Variants in RBFOX1 observed in about 807,000 individuals in gnomAD.
RBFOX1 encodes RNA binding protein fox-1 homolog 1.
In RBFOX1, 8 loss-of-function variants were observed where a neutral mutation model predicts 57.7. The observed-to-expected ratio is 0.14, with a 90% CI of 0.08 to 0.25. The LOEUF (loss-of-function observed/expected upper bound fraction) is 0.25. Ranked by LOEUF, RBFOX1 falls within the 10% of genes least tolerant of loss-of-function variation. The pLI is 1.00. For missense variants in RBFOX1, 611 were observed against 548.5 expected, an observed-to-expected ratio of 1.11 and a Z score of -1.14; for synonymous variants, 326 against 222.4, an observed-to-expected ratio of 1.47 and a Z score of -4.15.
intron 3 of RBFOX1, among the ~76,000 whole-genome samples, chr16:6,763,251 A>G (rs545918329): frequency 6.6e-5 from 10 of 152,334 alleles, no homozygotes; most frequent in African/African-American, 2.4e-4. Flanking sequence ...TAATCAATAA[A>G]TGGTTTATCA....
chr16:6,031,072 G>A (rs184708445), intron 1 of RBFOX1, among the ~76,000 whole-genome samples: 20 of 152,284 alleles, frequency 1.3e-4, no homozygotes, highest in Admixed American at 2.6e-4. Context: ...ACAGAATGGA[G>A]CATTCATGTA....
intron 2 of RBFOX1, among the ~76,000 whole-genome samples, chr16:6,334,691 G>T (rs2083426006): frequency 6.6e-6 from 1 of 152,114 alleles, no homozygotes; most frequent in South Asian, 2.1e-4. Flanking sequence ...CTTCTTGCTT[G>T]CCAGTTCTCA....
intron 2 of RBFOX1, among the ~76,000 whole-genome samples, chr16:6,358,047 T>G (rs1371597881): frequency 6.6e-6 from 1 of 152,122 alleles, no homozygotes; most frequent in Non-Finnish European, 1.5e-5. Flanking sequence ...AGTTTCGGCT[T>G]CATCAACTTC....
In RBFOX1 at chr16:7,141,326, G is replaced by A. The variant is rs1207028540; in HGVS notation, c.27+89228G>A. ...TCACCCACGGAATACCAGACACAGT[G>A]CTTGGTTCTGGGAATCTAATGCTGA... On this transcript the variant is annotated intron_variant, in intron 4 of 15. Transcript: ENST00000550418. Among the ~76,000 whole-genome samples the A allele has an allele frequency of 1.3e-5, 2 of 152,158 alleles. 1 individual carries two copies. The highest frequency in any genetic ancestry group is 2.9e-5 in the Non-Finnish European group (2 of 68,034).
At chr16:6,104,523 C>T (rs1318501020) in intron 1 of RBFOX1, among the ~76,000 whole-genome samples, 2 of 152,112 alleles carry the variant, frequency 1.3e-5, no homozygotes, top group Non-Finnish European at 2.9e-5. Context: ...AGAACACTGT[C>T]CTCTCCTTAA....
chr16:6,989,326 C>G lies in RBFOX1; in HGVS notation c.-15-62731C>G, dbSNP rs186393241. On this transcript the variant is annotated intron_variant, in intron 3 of 15. Transcript: ENST00000550418. ...GATATATTTACAATTATATGTGCTT[C>G]TCTCTGTCTATCTGTATCAGTCTGT... Among the ~76,000 whole-genome samples, 13 of 152,244 alleles carry G rather than the reference C, an allele frequency of 8.5e-5. 1 individual carries two copies. In the East Asian group the frequency reaches 2.5e-3, roughly 29 times the overall value.
chr16:5,934,532 C>T (rs560703711), intron 4 of RBFOX1, among the ~76,000 whole-genome samples: 4 of 152,128 alleles, frequency 2.6e-5, no homozygotes, highest in Non-Finnish European at 5.9e-5. Flanking sequence ...ACTCACGTTG[C>T]AGATCAGGAG....
At chr16:6,605,503 C>G (rs1431044853) in intron 2 of RBFOX1, among the ~76,000 whole-genome samples, 1 of 152,148 alleles carries the variant, frequency 6.6e-6, no homozygotes, top group East Asian at 1.9e-4. Context: ...AGAGAGAAAT[C>G]AGAAATGACA....
At chr16:6,468,592 T>A (rs915093300) in intron 2 of RBFOX1, among the ~76,000 whole-genome samples, 3 of 152,090 alleles carry the variant, frequency 2.0e-5, no homozygotes, top group Admixed American at 1.3e-4. Flanking sequence ...AAAATTCTCA[T>A]CTGTTAAGTA....
Position 6,604,031 on chromosome 16 carries a change from T to G in RBFOX1, c.-63-50572T>G, listed in dbSNP as rs111382366. Reference sequence around the variant, plus strand: ...CTGTGGTCCTTTCATGTAGCTGCCTTTGGTCTGCTGGGGACTTTGAAGGTT... The same window carrying G: ...CTGTGGTCCTTTCATGTAGCTGCCTGTGGTCTGCTGGGGACTTTGAAGGTT... On this transcript the variant is annotated intron_variant, in intron 2 of 15. Coordinates refer to ENST00000550418, the MANE Select transcript of RBFOX1 (RefSeq NM_018723.4). Among the ~76,000 whole-genome samples, 1,454 of 152,216 alleles carry G rather than the reference T, an allele frequency of 9.6e-3. 28 individuals carry two copies. The highest frequency in any genetic ancestry group is 0.032 in the African/African-American group (1,349 of 41,542).
intron 3 of RBFOX1, among the ~76,000 whole-genome samples, chr16:5,755,945 A>G (rs1157195666): frequency 6.6e-6 from 1 of 152,106 alleles, no homozygotes; most frequent in South Asian, 2.1e-4. Flanking sequence ...GGGAAGTAGG[A>G]GATGAAGTAA....
intron 2 of RBFOX1, among the ~76,000 whole-genome samples, chr16:6,410,811 C>G (rs574337807): frequency 6.6e-6 from 1 of 152,244 alleles, no homozygotes; most frequent in African/African-American, 2.4e-5. Context: ...TGGAAACAAA[C>G]CTACCTGGAA....
chr16:7,694,711 G>A (rs1347015636), intron 14 of RBFOX1, among the ~76,000 whole-genome samples: 4 of 152,158 alleles, frequency 2.6e-5, no homozygotes, highest in Non-Finnish European at 5.9e-5. Context: ...TGAATTGCTG[G>A]GAGTGGCAGG....
At chr16:5,856,583 AT>A (rs2057074014) in intron 3 of RBFOX1, among the ~76,000 whole-genome samples, 1 of 70,900 alleles carries the variant, frequency 1.4e-5, no homozygotes, top group Non-Finnish European at 2.9e-5. Flanking sequence ...GTGTATATAT[AT>A]ATATATATAT....
In RBFOX1 at chr16:7,148,702, G is replaced by A. The variant is rs933399056; in HGVS notation, c.27+96604G>A. On this transcript the variant is annotated intron_variant, in intron 4 of 15. Transcript: ENST00000550418. ...GCTCTACTCTCTACAGTTTTAACAT[G>A]GTTGAATGATCTCAAAATGAGGCAA... Among the ~76,000 whole-genome samples, 7 of 152,194 alleles carry A rather than the reference G, an allele frequency of 4.6e-5. No individual in the cohort carries two copies. The East Asian group carries it at 5.8e-4, about 13-fold the overall frequency.
At chr16:6,658,624 A>G (rs1460352379) in intron 3 of RBFOX1, among the ~76,000 whole-genome samples, 3 of 151,742 alleles carry the variant, frequency 2.0e-5, no homozygotes, top group Non-Finnish European at 2.9e-5. Flanking sequence ...CTGTTTTTCT[A>G]TTTTTCTTTA....
At chr16:6,908,318 G>T (rs948140603) in intron 3 of RBFOX1, among the ~76,000 whole-genome samples, 1 of 151,654 alleles carries the variant, frequency 6.6e-6, no homozygotes, top group Non-Finnish European at 1.5e-5. Flanking sequence ...ACCATGGCTT[G>T]GGCCTGTCTT....
At chr16:6,536,286 T>G (rs558508549) in intron 2 of RBFOX1, among the ~76,000 whole-genome samples, 1 of 152,190 alleles carries the variant, frequency 6.6e-6, no homozygotes, top group African/African-American at 2.4e-5. Flanking sequence ...CTTTCCTGTC[T>G]CCAGCAAATC....
intron 14 of RBFOX1, among the ~76,000 whole-genome samples, chr16:7,685,342 A>G (rs538929158): frequency 2.0e-5 from 3 of 152,262 alleles, no homozygotes; most frequent in East Asian, 1.9e-4. Context: ...TCAACAGCTG[A>G]GTGACTTCTT....
Sources: allele counts gnomAD v4.1 joint callset (sites outside exome capture counted in the v4.1 genomes callset), GRCh38; gene constraint gnomAD v4.1.1; transcripts MANE v1.5; gene names NCBI Gene and HGNC (gene_info 2026-07-23, HGNC 2026-07-21).